The following RPL35A variants were observed in gnomAD, a reference collection of about 807,000 sequenced individuals.
The protein encoded by RPL35A is ribosomal protein L35a.
In RPL35A, 1 loss-of-function variant was observed where a neutral mutation model predicts 16.7. The observed-to-expected ratio is 0.06, with a 90% CI of 0.02 to 0.28. The LOEUF (loss-of-function observed/expected upper bound fraction) is 0.28, where lower values mean the gene tolerates loss of function less well. Ranked by LOEUF, RPL35A falls within the 10% of genes least tolerant of loss-of-function variation. RPL35A has a pLI of 1.00. For synonymous variants in RPL35A, 58 were observed against 47.0 expected, an observed-to-expected ratio of 1.23 and a Z score of -0.96; for missense variants, 91 against 138.7, an observed-to-expected ratio of 0.66 and a Z score of 1.73.
At chr3:197,954,837 T>G (rs182091399) in intron 4 of RPL35A, among the ~76,000 whole-genome samples, 1 of 152,164 alleles carries the variant, frequency 6.6e-6, no homozygotes, top group African/African-American at 2.4e-5. Context: ...GTGAAGATAT[T>G]TATTGGGCAC....
Position 197,951,643 on chromosome 3 carries a change from G to A in RPL35A, c.164+332G>A, listed in dbSNP as rs1180250073. 12 of 325,668 alleles carry A rather than the reference G, an allele frequency of 3.7e-5. No homozygotes were observed. In the East Asian group the frequency reaches 7.3e-4, roughly 20 times the overall value. The allele number at this position is 325,668 out of a possible 1,614,324, so 20.2% of individuals were successfully genotyped here. A position where few individuals can be genotyped will look rare whatever the true frequency, so the allele number is the denominator to read the frequency against. On this transcript the variant is annotated intron_variant, in intron 3 of 4. Coordinates refer to ENST00000647248, the MANE Select transcript of RPL35A (RefSeq NM_000996.4). ...GCTGAGATTACAGGCTTGAGCCACC[G>A]CGCCTGGCCTCATTATCCTATTGAA...
At chr3:197,955,607 A>G (rs1720467466) in intron 4 of RPL35A, 143 bp from the exon 5 acceptor site, 1 of 754,972 alleles carries the variant, frequency 1.3e-6, no homozygotes, top group Admixed American at 1.9e-5. Context: ...ATGTTCACGT[A>G]GAGACTGAAG....
chr3:197,952,046 TTA>T (rs1720139244), intron 3 of RPL35A, among the ~76,000 whole-genome samples: 1 of 152,194 alleles, frequency 6.6e-6, no homozygotes, highest in African/African-American at 2.4e-5. Flanking sequence ...AGGTAATTCC[TTA>T]TATTGTGATC....
chr3:197,950,414 G>A, intron 1 of RPL35A, 193 bp downstream of exon 1: 1 of 981,766 alleles, frequency 1.0e-6, no homozygotes, highest in Non-Finnish European at 1.3e-6. Flanking sequence ...CCGGAGAACG[G>A]CTGCCCGGGT....
chr3:197,951,134 A>C lies in RPL35A; in HGVS notation c.12-25A>C, dbSNP rs1317967518. ...ATTGGTTTTTTGAAGCTTATGTTTC[A>C]TGTTGTGTATCTTTTGTGTCTTAGG... On this transcript the variant is annotated intron_variant, in intron 2 of 4. Coordinates refer to ENST00000647248, the MANE Select transcript of RPL35A (RefSeq NM_000996.4). The C allele has an allele frequency of 8.1e-6, 13 of 1,613,784 alleles. No homozygotes were observed. In the Admixed American group the frequency reaches 2.2e-4, roughly 27 times the overall value.
chr3:197,954,273 T>C lies in RPL35A; in HGVS notation c.309+126T>C, dbSNP rs1052833792. 3.3e-6 allele frequency: 3 copies of C among 913,268 alleles called. No homozygotes were observed. In the African/African-American group the frequency reaches 4.9e-5, roughly 15 times the overall value. The allele number at this position is 913,268 out of a possible 1,614,324, so 56.6% of individuals were successfully genotyped here. ...CCAGTAAATTATGCTGCAAAATTTGTGTATTGCAGAACACTGGAGAGATAG... is the reference window on the plus strand; with the variant it reads ...CCAGTAAATTATGCTGCAAAATTTGCGTATTGCAGAACACTGGAGAGATAG... On this transcript the variant is annotated intron_variant, in intron 4 of 4. Coordinates refer to ENST00000647248, the MANE Select transcript of RPL35A (RefSeq NM_000996.4).
rs370749472 is a variant in RPL35A at position 197,955,791 on chromosome 3, A to C, written c.*18A>C. On this transcript the variant is annotated 3_prime_UTR_variant, in exon 5 of 5. Transcript: ENST00000647248. ...GGATTTAAACTAACGAAAAATCAATAAATAAATGTGGATTTGTGCTCTTGT... is the reference window on the plus strand; with the variant it reads ...GGATTTAAACTAACGAAAAATCAATCAATAAATGTGGATTTGTGCTCTTGT... 1.9e-5 allele frequency: 30 copies of C among 1,590,138 alleles called. No individual in the cohort carries two copies. Among genetic ancestry groups the C allele is most frequent in the African/African-American group, 5.4e-5 (4 of 74,398 alleles).
At position 197,954,092 on chromosome 3, in the gene RPL35A, G is replaced by A. The variant is rs542977246; in HGVS notation, c.254G>A (p.Arg85His). 34 of 1,614,014 alleles carry A rather than the reference G, an allele frequency of 2.1e-5. No homozygotes were observed. The highest frequency in any genetic ancestry group is 4.5e-5 in the East Asian group (2 of 44,890). ...GCCCATGGAAACAGTGGCATGGTTC[G>A]TGCCAAATTCCGAAGCAATCTTCCT... ...TRAHGNSGMV[R>H]AKFRSNLPAK... Residue 85 changes from arginine (R) to histidine (H), a missense_variant, in exon 4 of 5, where the codon CGT (arginine) becomes CAT (histidine). Arg to His is a conservative substitution (Grantham distance 29). Coordinates refer to ENST00000647248, the MANE Select transcript of RPL35A (RefSeq NM_000996.4).
rs150372679 is a variant in RPL35A, at chr3:197,956,034, G to A, written c.*261G>A. The A allele has an allele frequency of 1.2e-4, 53 of 460,700 alleles. No homozygotes were observed. In the East Asian group the frequency reaches 2.0e-3, roughly 17 times the overall value. The allele number at this position is 460,700 out of a possible 1,614,324, so 28.5% of individuals were successfully genotyped here. A position where few individuals can be genotyped will look rare whatever the true frequency, so the allele number is the denominator to read the frequency against. ...CCCATGCTGGAGTGTAGTGGTGCTC[G>A]CTGCAGCCTCACATTCAAAGGCTCA... On this transcript the variant is annotated 3_prime_UTR_variant, in exon 5 of 5. Transcript: ENST00000647248.
chr3:197,954,944 G>A (rs1316309843), intron 4 of RPL35A, among the ~76,000 whole-genome samples: 1 of 152,212 alleles, frequency 6.6e-6, no homozygotes, highest in African/African-American at 2.4e-5. Context: ...TAGAACAGGT[G>A]TTAGTAGCTT....
At chr3:197,952,246 C>T (rs1375640683) in intron 3 of RPL35A, among the ~76,000 whole-genome samples, 1 of 146,510 alleles carries the variant, frequency 6.8e-6, no homozygotes, top group African/African-American at 2.5e-5. Context: ...ATCGGCTCAC[C>T]GCAACCTCCG....
At position 197,956,015 on chromosome 3, in the gene RPL35A, CT is replaced by C; in HGVS notation, c.*243del. 2.0e-6 allele frequency: 1 copy of C among 511,094 alleles called. No homozygotes were observed. Among genetic ancestry groups the C allele is most frequent in the South Asian group, 2.0e-5 (1 of 49,284 alleles). 31.7% of individuals were successfully genotyped at this position (511,094 alleles called of 1,614,324 possible). On this transcript the variant is annotated 3_prime_UTR_variant, in exon 5 of 5. Coordinates refer to ENST00000647248, the MANE Select transcript of RPL35A (RefSeq NM_000996.4). ...ACAGAGTCTTGCTCTGTTGCCCATG[CT>C]GGAGTGTAGTGGTGCTCGCTGCAGC...
chr3:197,950,701 C>T (rs1176062911), intron 1 of RPL35A: 2 of 563,400 alleles, frequency 3.5e-6, no homozygotes, highest in African/African-American at 3.8e-5. Context: ...TTTTGTGACT[C>T]CTGTCCCTTA....
At position 197,955,794 on chromosome 3, in the gene RPL35A, T is replaced by C. The variant is rs199693579; in HGVS notation, c.*21T>C. The stretch of plus-strand genomic sequence containing the variant: ...TTTAAACTAACGAAAAATCAATAAA[T>C]AAATGTGGATTTGTGCTCTTGTATT... On this transcript the variant is annotated 3_prime_UTR_variant, in exon 5 of 5. Coordinates refer to ENST00000647248, the MANE Select transcript of RPL35A (RefSeq NM_000996.4). 90 of 1,585,474 alleles carry C rather than the reference T, an allele frequency of 5.7e-5. 1 individual carries two copies. The East Asian group carries it at 2.0e-3, about 35-fold the overall frequency.
At chr3:197,951,729 GTC>G (rs1720108580) in intron 3 of RPL35A, 2 of 212,136 alleles carry the variant, frequency 9.4e-6, no homozygotes, top group African/African-American at 2.3e-5. Context: ...TGTGACAAGA[GTC>G]TCTGTTGCCC....
At chr3:197,951,400 C>A in intron 3 of RPL35A, 89 bp downstream of exon 3, 1 of 1,422,568 alleles carries the variant, frequency 7.0e-7, no homozygotes, top group Non-Finnish European at 9.9e-7. Context: ...GTTGCCGAGG[C>A]TGGAATGCAG....
chr3:197,950,227 T>TG lies in RPL35A; in HGVS notation c.-33+7dup. The TG allele has an allele frequency of 8.1e-7, 1 of 1,231,068 alleles. No homozygotes were observed. The allele number at this position is 1,231,068 out of a possible 1,614,324, so 76.3% of individuals were successfully genotyped here. A position where few individuals can be genotyped will look rare whatever the true frequency, so the allele number is the denominator to read the frequency against. On this transcript the variant is annotated splice_region_variant and intron_variant, in intron 1 of 4. Coordinates refer to ENST00000647248, the MANE Select transcript of RPL35A (RefSeq NM_000996.4). ...CCATCTTGGCTCCTGTGGAGGTGAG[T>TG]GAAGGGTCTGCTGCTGAAATTTGGG...
intron 4 of RPL35A, 55 bp downstream of exon 4, chr3:197,954,202 TG>T (rs1236964443): frequency 6.3e-7 from 1 of 1,592,508 alleles, no homozygotes; most frequent in Non-Finnish European, 8.6e-7. Context: ...AGGTTCAAGG[TG>T]TTGTGCTTTG....
chr3:197,951,059 C>T (rs1720030445), intron 2 of RPL35A, 81 bp downstream of exon 2: 1 of 1,603,616 alleles, frequency 6.2e-7, no homozygotes, highest in Non-Finnish European at 8.5e-7. Context: ...CAAGAAAAAA[C>T]TTAGATGTTT....
Sources: allele counts gnomAD v4.1 joint callset (sites outside exome capture counted in the v4.1 genomes callset), GRCh38; gene constraint gnomAD v4.1.1; transcripts MANE v1.5; gene names NCBI Gene and HGNC (gene_info 2026-07-23, HGNC 2026-07-21).